The following ARIH1 variants were observed in gnomAD, a reference collection of about 807,000 sequenced individuals.
ARIH1 encodes E3 ubiquitin-protein ligase ARIH1.
ARIH1 carries 8 observed loss-of-function variants against 85.0 expected under a neutral mutation model. The ratio of observed to expected loss-of-function variants is 0.09; its 90% CI spans 0.06 to 0.17. ARIH1 has a LOEUF of 0.17. Among genes scored for constraint, ARIH1 ranks in the 10% least tolerant of loss-of-function variants. ARIH1 has a pLI of 1.00. For synonymous variants in ARIH1, 238 were observed against 253.6 expected (o/e 0.94, Z 0.59); for missense variants, 311 against 718.1 (o/e 0.43, Z 6.48).
At chr15:72,487,516 A>C (rs1172835699) in intron 1 of ARIH1, among the ~76,000 whole-genome samples, 1 of 152,214 alleles carries the variant, frequency 6.6e-6, no homozygotes. Context: ...ACAGATATTT[A>C]TCTGAAACTT....
chr15:72,499,128 A>C (rs1032751560), intron 1 of ARIH1, among the ~76,000 whole-genome samples: 1 of 151,576 alleles, frequency 6.6e-6, no homozygotes, highest in Non-Finnish European at 1.5e-5. Flanking sequence ...GGCGCACGCC[A>C]CCACACTTGG....
At chr15:72,548,569 G>GT (rs1288855050) in intron 3 of ARIH1, among the ~76,000 whole-genome samples, 1 of 152,168 alleles carries the variant, frequency 6.6e-6, no homozygotes, top group African/African-American at 2.4e-5. Flanking sequence ...GGCAAGTAAG[G>GT]TAAGGCATTA....
At chr15:72,563,290 C>A in intron 6 of ARIH1, 104 bp from the exon 7 acceptor site, 1 of 928,528 alleles carries the variant, frequency 1.1e-6, no homozygotes, top group Non-Finnish European at 1.7e-6. Context: ...AGTGCTTGAC[C>A]TCAAACAGTC....
At chr15:72,571,229 A>G (rs1017599367) in intron 10 of ARIH1, among the ~76,000 whole-genome samples, 7 of 151,448 alleles carry the variant, frequency 4.6e-5, no homozygotes, top group Non-Finnish European at 1.5e-5. Flanking sequence ...GTGACAGGCA[A>G]AAGTTTAAGC....
At chr15:72,562,545 T>C (rs2064201576) in intron 6 of ARIH1, among the ~76,000 whole-genome samples, 1 of 152,086 alleles carries the variant, frequency 6.6e-6, no homozygotes, top group African/African-American at 2.4e-5. Context: ...AAAGTTATAT[T>C]TCCTTTTGAG....
At position 72,584,713 on chromosome 15, in the gene ARIH1, AAT is replaced by A. The variant is rs2064308794; in HGVS notation, c.*1422_*1423del. On this transcript the variant is annotated 3_prime_UTR_variant, in exon 14 of 14. Transcript: ENST00000379887. Reference sequence around the variant, plus strand: ...CTTTTTTATTGTCAGCAGATAGGAGAATTAATAATGCATTTTAGCTGTGATGT... The same window carrying A: ...CTTTTTTATTGTCAGCAGATAGGAGATAATAATGCATTTTAGCTGTGATGT... The A allele has an allele frequency of 6.6e-6, 1 of 151,938 alleles. No individual in the cohort carries two copies. Among genetic ancestry groups the A allele is most frequent in the African/African-American group, 2.4e-5 (1 of 41,364 alleles). 9.4% of individuals were successfully genotyped at this position (151,938 alleles called of 1,614,324 possible).
chr15:72,549,365 G>A (rs2064143566), intron 3 of ARIH1, among the ~76,000 whole-genome samples: 1 of 152,138 alleles, frequency 6.6e-6, no homozygotes, highest in Non-Finnish European at 1.5e-5. Flanking sequence ...TGGGATTACA[G>A]GAGTGAGCCG....
At chr15:72,558,771 T>C (rs2064185411) in intron 5 of ARIH1, among the ~76,000 whole-genome samples, 1 of 152,198 alleles carries the variant, frequency 6.6e-6, no homozygotes. Flanking sequence ...GGTGGAACCT[T>C]GTCCTAATAA....
At chr15:72,489,840 T>C (rs2063851883) in intron 1 of ARIH1, among the ~76,000 whole-genome samples, 1 of 152,222 alleles carries the variant, frequency 6.6e-6, no homozygotes, top group Non-Finnish European at 1.5e-5. Context: ...ACTTTTGTTA[T>C]ATGTTGGCAC....
In ARIH1 at chr15:72,586,058, C is replaced by T. The variant is rs2064315315; in HGVS notation, c.*2766C>T. Reference sequence around the variant, plus strand: ...TAAAATAAAATTTTGATCCAAAGCTCAGGACACAAACCACAGTGGTAAAAT... The same window carrying T: ...TAAAATAAAATTTTGATCCAAAGCTTAGGACACAAACCACAGTGGTAAAAT... On this transcript the variant is annotated 3_prime_UTR_variant, in exon 14 of 14. Transcript: ENST00000379887. 1 of 152,172 alleles carries T rather than the reference C, an allele frequency of 6.6e-6. No homozygotes were observed. The highest frequency in any genetic ancestry group is 2.4e-5 in the African/African-American group (1 of 41,444). The allele number at this position is 152,172 out of a possible 1,614,324, so 9.4% of individuals were successfully genotyped here.
chr15:72,572,490 A>T, intron 11 of ARIH1: 1 of 180,172 alleles, frequency 5.6e-6, no homozygotes, highest in East Asian at 1.4e-4. Context: ...CTGGGATTAC[A>T]GGCGTGAGCC....
chr15:72,486,152 G>T (rs1314379887), intron 1 of ARIH1, among the ~76,000 whole-genome samples: 1 of 151,834 alleles, frequency 6.6e-6, no homozygotes, highest in African/African-American at 2.4e-5. Context: ...GAGGTCATCT[G>T]GCTTGACCAT....
In ARIH1 at chr15:72,597,907, C is replaced by T. The variant is rs1305239995; in HGVS notation, c.*14615C>T. 2 of 152,312 alleles carry T rather than the reference C, an allele frequency of 1.3e-5. No homozygotes were observed. The highest frequency in any genetic ancestry group is 3.9e-4 in the East Asian group (2 of 5,188). The allele number at this position is 152,312 out of a possible 1,614,324, so 9.4% of individuals were successfully genotyped here. A position where few individuals can be genotyped will look rare whatever the true frequency, so the allele number is the denominator to read the frequency against. On this transcript the variant is annotated 3_prime_UTR_variant, in exon 14 of 14. Coordinates refer to ENST00000379887, the MANE Select transcript of ARIH1 (RefSeq NM_005744.5). ...ACAACAGCTAGGGGGTCTCTTCTCT[C>T]CTATGAAGGACTTGGCACTTTCTGG...
At chr15:72,547,073 G>A (rs1385505936) in intron 3 of ARIH1, among the ~76,000 whole-genome samples, 7 of 151,362 alleles carry the variant, frequency 4.6e-5, no homozygotes, top group African/African-American at 1.5e-4. Flanking sequence ...GACTACAGGC[G>A]TCTGCCATCA....
rs1411637134 is a variant in ARIH1, at chr15:72,581,895, TGGAAAAGAACAAACAA to T, written c.1477-178_1477-163del. 3 of 428,754 alleles carry T rather than the reference TGGAAAAGAACAAACAA, an allele frequency of 7.0e-6. No homozygotes were observed. The Admixed American group carries it at 1.2e-4, about 17-fold the overall frequency. The allele number at this position is 428,754 out of a possible 1,614,324, so 26.6% of individuals were successfully genotyped here. A position where few individuals can be genotyped will look rare whatever the true frequency, so the allele number is the denominator to read the frequency against. ...TCTTTTAACATTTAAAAAATTGTTCTGGAAAAGAACAAACAAGTTATTAGAGATGAAAGCCCATAGA... is the reference window on the plus strand; with the variant it reads ...TCTTTTAACATTTAAAAAATTGTTCTGTTATTAGAGATGAAAGCCCATAGA... On this transcript the variant is annotated intron_variant, in intron 12 of 13. Transcript: ENST00000379887.
At chr15:72,475,408 C>G (rs1188986586) in intron 1 of ARIH1, among the ~76,000 whole-genome samples, 1 of 151,982 alleles carries the variant, frequency 6.6e-6, no homozygotes, top group Non-Finnish European at 1.5e-5. Flanking sequence ...ACGGGACTTA[C>G]CCCGGCCGTA....
At chr15:72,528,698 A>G (rs538165440) in intron 2 of ARIH1, among the ~76,000 whole-genome samples, 319 of 152,196 alleles carry the variant, frequency 2.1e-3, no homozygotes, top group Non-Finnish European at 3.9e-3. Flanking sequence ...CTACAAAAAA[A>G]TAAAAAATTA....
At chr15:72,490,535 T>C (rs1002072198) in intron 1 of ARIH1, among the ~76,000 whole-genome samples, 1 of 152,132 alleles carries the variant, frequency 6.6e-6, no homozygotes, top group African/African-American at 2.4e-5. Context: ...TCATTGTTAT[T>C]GTCTGACTCC....
chr15:72,507,846 A>G (rs2063933074), intron 1 of ARIH1, among the ~76,000 whole-genome samples: 1 of 152,204 alleles, frequency 6.6e-6, no homozygotes, highest in Non-Finnish European at 1.5e-5. Flanking sequence ...CTTTAAAGTA[A>G]ATACAGCTGC....
Sources: gnomAD v4.1 joint callset for allele counts (sites outside exome capture counted in the v4.1 genomes callset) on GRCh38, gnomAD v4.1.1 for gene constraint, MANE v1.5 for transcripts, NCBI Gene and HGNC (gene_info 2026-07-23, HGNC 2026-07-21) for gene names.